Variants in KLHL5 observed in about 807,000 individuals in gnomAD.
KLHL5 encodes kelch-like protein 5.
KLHL5 carries 48 observed loss-of-function variants against 77.7 expected under a neutral mutation model. The ratio of observed to expected loss-of-function variants is 0.62; its 90% CI spans 0.49 to 0.79. The LOEUF is 0.79. Ranked by LOEUF, KLHL5 falls within the 30% of genes least tolerant of loss-of-function variation. The probability of loss-of-function intolerance (pLI) is 0.00; values close to 1 mark genes in which losing one functional copy is unlikely to be tolerated. For synonymous variants in KLHL5, 260 were observed against 297.0 expected, an observed-to-expected ratio of 0.88 and a Z score of 1.28; for missense variants, 723 against 859.7, an observed-to-expected ratio of 0.84 and a Z score of 1.99.
At chr4:39,061,568 G>T (rs962125746), upstream of KLHL5, among the ~76,000 whole-genome samples, 1 of 152,090 alleles carries the variant, frequency 6.6e-6, no homozygotes, top group Non-Finnish European at 1.5e-5. Context: ...CAGTATTTTT[G>T]AGTTTATTTG....
chr4:39,086,541 C>A lies in KLHL5; in HGVS notation c.927C>A (p.Asn309Lys). ...TMEHFMEVIR[N>K]QEFVLLPASE... ...AGCATTTCATGGAAGTAATCAGAAA[C>A]CAGGAATTTGTATTATTACCAGCCA... Residue 309 changes from asparagine to lysine, a missense_variant, in exon 5 of 11, where the codon AAC becomes AAA. By Grantham distance (94) the Asn-to-Lys change is moderately conservative. Around this residue, in one of 3 missense-constraint regions of KLHL5, gnomAD observed 288 missense variants for 400.3 expected, o/e 0.72. Transcript: ENST00000504108. 6.2e-7 allele frequency: 1 copy of A among 1,613,812 alleles called. No individual in the cohort carries two copies.
intron 6 of KLHL5, among the ~76,000 whole-genome samples, chr4:39,099,030 C>A (rs1283188929): frequency 6.6e-6 from 1 of 152,154 alleles, no homozygotes; most frequent in Non-Finnish European, 1.5e-5. Flanking sequence ...TGCCTGTAAT[C>A]CCTGCACTTT....
At chr4:39,050,787 A>C (rs148052490) in intron 1 of KLHL5, among the ~76,000 whole-genome samples, 456 of 152,332 alleles carry the variant, frequency 3.0e-3, no homozygotes, top group Non-Finnish European at 5.8e-3. Flanking sequence ...CACAATTAAC[A>C]TGAGCTTGCA....
chr4:39,142,536 G>A, the KLHL5 span, among the ~76,000 whole-genome samples: 1 of 152,110 alleles, frequency 6.6e-6, no homozygotes, highest in Non-Finnish European at 1.5e-5. Flanking sequence ...AACTAAGCAT[G>A]GACTCATCCT....
chr4:39,056,734 T>C (rs1406345197), intron 1 of KLHL5, among the ~76,000 whole-genome samples: 2 of 152,210 alleles, frequency 1.3e-5, no homozygotes, highest in Non-Finnish European at 2.9e-5. Flanking sequence ...AAACCAAACA[T>C]GTCTAAAGCC....
chr4:39,129,010 A>C (rs1723687401), downstream of KLHL5, among the ~76,000 whole-genome samples: 1 of 151,852 alleles, frequency 6.6e-6, no homozygotes, highest in African/African-American at 2.4e-5. This position sits in a 1 kb window ranked among gnomAD's most constrained non-coding sequence, Gnocchi z 4.2. Flanking sequence ...AAAATTGCCA[A>C]AGATGCAATC....
At chr4:39,142,519 C>A in the KLHL5 span, among the ~76,000 whole-genome samples, 171 of 152,240 alleles carry the variant, frequency 1.1e-3, no homozygotes, top group African/African-American at 3.9e-3. Flanking sequence ...CCAGCTGTTC[C>A]TTTTGAAACT....
intron 6 of KLHL5, among the ~76,000 whole-genome samples, chr4:39,101,126 T>TATACATACATATATATATA: frequency 7.4e-6 from 1 of 134,850 alleles, no homozygotes; most frequent in African/African-American, 2.8e-5. Context: ...TATTTGGATT[T>TATACATACATATATATATA]TATATATATA....
chr4:39,092,977 A>G (rs1220529298), intron 5 of KLHL5: 1 of 394,424 alleles, frequency 2.5e-6, no homozygotes, highest in African/African-American at 2.1e-5. Context: ...TAAATTTGCC[A>G]TATGCCCCAG....
At chr4:39,070,100 A>G (rs1469312367) in intron 1 of KLHL5, among the ~76,000 whole-genome samples, 1 of 152,162 alleles carries the variant, frequency 6.6e-6, no homozygotes, top group African/African-American at 2.4e-5. Flanking sequence ...GTGTGATCAA[A>G]CATCATGAAA....
chr4:39,115,473 AAG>A, intron 10 of KLHL5, 143 bp downstream of exon 10: 1 of 1,516,426 alleles, frequency 6.6e-7, no homozygotes, highest in Non-Finnish European at 8.8e-7. Context: ...CGATGAGAAA[AAG>A]AGGCAATGTT....
At chr4:39,108,697 G>A (rs1401106390) in intron 8 of KLHL5, among the ~76,000 whole-genome samples, 1 of 151,822 alleles carries the variant, frequency 6.6e-6, no homozygotes, top group Non-Finnish European at 1.5e-5. Flanking sequence ...TCATCACTAG[G>A]TATCTTTCTA....
At position 39,103,419 on chromosome 4, in the gene KLHL5, G is replaced by A; in HGVS notation, c.1433G>A (p.Gly478Glu). Residue 478 changes from glycine (G) to glutamate (E), a missense_variant, in exon 7 of 11, where the codon GGA (glycine) becomes GAA (glutamate). Around this residue, in one of 3 missense-constraint regions of KLHL5, gnomAD observed 288 missense variants for 400.3 expected, o/e 0.72. Coordinates refer to ENST00000504108, the MANE Select transcript of KLHL5 (RefSeq NM_015990.5). ...CTGTATGTGGTTGGAGGAAGAGATG[G>A]ACTGAAGACTTTGAATACTGTAGAG... ...DKLYVVGGRDGLKTLNTVECY... is the reference protein window; with the variant it reads ...DKLYVVGGRDELKTLNTVECY... The A allele has an allele frequency of 1.2e-6, 2 of 1,614,182 alleles. No individual in the cohort carries two copies. Among genetic ancestry groups the A allele is most frequent in the Non-Finnish European group, 8.5e-7 (1 of 1,180,024 alleles).
At chr4:39,097,019 T>A in intron 6 of KLHL5, 141 bp downstream of exon 6, 1 of 672,752 alleles carries the variant, frequency 1.5e-6, no homozygotes, top group South Asian at 1.9e-5. Flanking sequence ...TTGTGTAACA[T>A]CCTCTAGGCC....
Position 39,062,289 on chromosome 4 carries a change from T to C in KLHL5, c.-364T>C. 2.3e-6 allele frequency: 3 copies of C among 1,332,876 alleles called. No homozygotes were observed. The South Asian group carries it at 5.7e-5, about 26-fold the overall frequency. The allele number at this position is 1,332,876 out of a possible 1,614,324, so 82.6% of individuals were successfully genotyped here. ...CATTTGTGGTTTAAGAAAAAGGGGG[T>C]GGTGTTCTGCATTTGAAAGGACTTT... On this transcript the variant is annotated 5_prime_UTR_variant, in exon 1 of 11. Transcript: ENST00000504108.
Position 39,048,638 on chromosome 4 carries a change from C to CTTTTTTTTTTTTTT in KLHL5, c.-95+3550_-95+3563dup, listed in dbSNP as rs34713116. Among the ~76,000 whole-genome samples the CTTTTTTTTTTTTTT allele has an allele frequency of 2.1e-4, 17 of 79,134 alleles. 2 individuals are homozygous for CTTTTTTTTTTTTTT. The highest frequency in any genetic ancestry group is 9.2e-4 in the African/African-American group (17 of 18,574). The allele number at this position is 79,134 out of a possible 152,430, so 51.9% of individuals were successfully genotyped here. On this transcript the variant is annotated intron_variant, in intron 1 of 11. Transcript: ENST00000261425. ...AAAGGATGTGGTGATTTTACATTGG[C>CTTTTTTTTTTTTTT]TTTTTTTTTTTTTTTTTTTTTGGAG...
At chr4:39,107,792 A>C in intron 8 of KLHL5, 61 bp downstream of exon 8, 9 of 1,267,330 alleles carry the variant, frequency 7.1e-6, no homozygotes, top group Non-Finnish European at 9.8e-6. Context: ...AAGCTATATC[A>C]TTTCTAATTT....
chr4:39,112,716 C>A, intron 8 of KLHL5: 1 of 317,430 alleles, frequency 3.2e-6, no homozygotes, highest in Non-Finnish European at 5.9e-6. Context: ...CATATTTTAA[C>A]ACCTCTGAAT....
intron 8 of KLHL5, among the ~76,000 whole-genome samples, chr4:39,110,273 T>C (rs1722357918): frequency 6.6e-6 from 1 of 152,210 alleles, no homozygotes; most frequent in South Asian, 2.1e-4. Flanking sequence ...TTCTGTGTTT[T>C]GTCTTGATTG....
Sources: gnomAD v4.1 joint callset for allele counts (sites outside exome capture counted in the v4.1 genomes callset) on GRCh38, gnomAD v4.1.1 for gene constraint, gnomAD v4.1.1 regional missense constraint, Gnocchi (gnomAD v3.1) non-coding constraint, MANE v1.5 for transcripts, NCBI Gene and HGNC (gene_info 2026-07-23, HGNC 2026-07-21) for gene names.